Variants in CAPN11 observed in about 807,000 individuals in gnomAD.
CAPN11 encodes calpain-11.
Under a neutral mutation model 105.3 loss-of-function variants are expected in CAPN11, and 108 were observed. That is an observed-to-expected ratio of 1.03 (90% CI 0.88 to 1.20). CAPN11 has a LOEUF of 1.20. CAPN11 is among the 50% of genes most tolerant of loss of function. The pLI, the probability that CAPN11 is intolerant of heterozygous loss-of-function variation, is 0.00. For synonymous variants in CAPN11, 329 were observed against 344.5 expected (o/e 0.96, Z 0.50); for missense variants, 883 against 924.8 (o/e 0.95, Z 0.59).
intron 1 of CAPN11, chr6:44,161,822 G>A (rs765195300): frequency 3.9e-5 from 18 of 456,080 alleles, no homozygotes; most frequent in East Asian, 2.8e-4. Flanking sequence ...CTCAGTCCTC[G>A]GAGCAGCCAG....
chr6:44,169,902 G>T lies in CAPN11; in HGVS notation c.340-4G>T. The stretch of plus-strand genomic sequence containing the variant: ...CCCCTGAAACCTTTATTCCTTCACT[G>T]CAGGATATCATAAACAACCCTCTAT... On this transcript the variant is annotated splice_region_variant and splice_polypyrimidine_tract_variant and intron_variant, in intron 3 of 22. Coordinates refer to ENST00000398776, the MANE Select transcript of CAPN11 (RefSeq NM_007058.4). 1 of 1,608,538 alleles carries T rather than the reference G, an allele frequency of 6.2e-7. No individual in the cohort carries two copies. Among genetic ancestry groups the T allele is most frequent in the Non-Finnish European group, 8.5e-7 (1 of 1,176,470 alleles).
At chr6:44,181,574 CCACACATA>C (rs1773410501) in intron 19 of CAPN11, among the ~76,000 whole-genome samples, 1 of 4,930 alleles carries the variant, frequency 2.0e-4, no homozygotes, top group Non-Finnish European at 4.8e-4. Context: ...CACAACCACA[CCACACATA>C]CACACTCACA....
chr6:44,183,515 A>G (rs1362084188), intron 21 of CAPN11, among the ~76,000 whole-genome samples, 190 bp from the exon 22 acceptor site: 1 of 152,164 alleles, frequency 6.6e-6, no homozygotes, highest in African/African-American at 2.4e-5. Context: ...ATGGAAGGCA[A>G]TCAGAACTGG....
chr6:44,173,176 C>T (rs1474878235), intron 6 of CAPN11, 42 bp from the exon 7 acceptor site: 3 of 1,608,622 alleles, frequency 1.9e-6, no homozygotes, highest in East Asian at 2.2e-5. Context: ...CCTCCCCTCA[C>T]CTCCATCCTA....
chr6:44,181,159 G>A, intron 18 of CAPN11, 93 bp from the exon 19 acceptor site: 1 of 1,271,188 alleles, frequency 7.9e-7, no homozygotes, highest in Non-Finnish European at 1.1e-6. Context: ...CGGAACCCCA[G>A]GGCTTGTGTG....
chr6:44,161,610 G>A (rs1012476797), intron 1 of CAPN11, among the ~76,000 whole-genome samples: 8 of 152,280 alleles, frequency 5.3e-5, no homozygotes, highest in African/African-American at 9.6e-5. Flanking sequence ...ATGCAGCTTC[G>A]AAGCAGGGTT....
At position 44,166,742 on chromosome 6, in the gene CAPN11, C is replaced by A. The variant is rs1312900599; in HGVS notation, c.17-16C>A. 6.5e-7 allele frequency: 1 copy of A among 1,548,084 alleles called. No homozygotes were observed. The highest frequency in any genetic ancestry group is 8.7e-7 in the Non-Finnish European group (1 of 1,143,398). On this transcript the variant is annotated splice_polypyrimidine_tract_variant and intron_variant, in intron 1 of 22. Coordinates refer to ENST00000398776, the MANE Select transcript of CAPN11 (RefSeq NM_007058.4). The stretch of plus-strand genomic sequence containing the variant: ...CCACAGCCTTCCTCCCCTCCTCCCA[C>A]TCTTTCTTATTCTAGGGCCGAGTCT...
chr6:44,183,872 T>C (rs1774183220), intron 22 of CAPN11, 34 bp from the exon 23 acceptor site: 2 of 1,542,914 alleles, frequency 1.3e-6, no homozygotes, highest in Non-Finnish European at 1.8e-6. Context: ...CCCCCGTCTC[T>C]TCCCACCCTG....
At chr6:44,165,091 G>T (rs1458716280) in intron 1 of CAPN11, among the ~76,000 whole-genome samples, 1 of 152,056 alleles carries the variant, frequency 6.6e-6, no homozygotes, top group East Asian at 1.9e-4. Flanking sequence ...GTTTCACCAT[G>T]TTGGCCAGGC....
chr6:44,182,285 C>CCACACACACA (rs70993439), intron 19 of CAPN11, among the ~76,000 whole-genome samples: 2 of 59,428 alleles, frequency 3.4e-5, no homozygotes, highest in East Asian at 7.2e-4. Context: ...CACAACCACA[C>CCACACACACA]CACACACACA....
At chr6:44,181,550 CA>C (rs1773376015) in intron 19 of CAPN11, among the ~76,000 whole-genome samples, 1 of 76,116 alleles carries the variant, frequency 1.3e-5, no homozygotes, top group African/African-American at 4.0e-5. Flanking sequence ...CACACACACA[CA>C]CTCACATACA....
chr6:44,160,946 G>A (rs573040496), intron 1 of CAPN11, among the ~76,000 whole-genome samples: 3 of 152,282 alleles, frequency 2.0e-5, no homozygotes, highest in African/African-American at 7.2e-5. Context: ...TGTACATAAA[G>A]GAAAGACATA....
In CAPN11 at chr6:44,166,960, G is replaced by A. The variant is rs1316541355; in HGVS notation, c.88+131G>A. 15 of 641,646 alleles carry A rather than the reference G, an allele frequency of 2.3e-5. No homozygotes were observed. In the Admixed American group the frequency reaches 3.3e-4, roughly 14 times the overall value. The allele number at this position is 641,646 out of a possible 1,614,324, so 39.7% of individuals were successfully genotyped here. A position where few individuals can be genotyped will look rare whatever the true frequency, so the allele number is the denominator to read the frequency against. On this transcript the variant is annotated intron_variant, in intron 2 of 22. Transcript: ENST00000398776. ...GTGTGGGGAGGGCGGCGGGGGGAGGGGAGGCTACCCTCAGGAAGGGATGTT... is the reference window on the plus strand; with the variant it reads ...GTGTGGGGAGGGCGGCGGGGGGAGGAGAGGCTACCCTCAGGAAGGGATGTT...
At position 44,180,018 on chromosome 6, in the gene CAPN11, TCA is replaced by T; in HGVS notation, c.1496_1497del (p.Ser499Ter). The T allele has an allele frequency of 6.2e-7, 1 of 1,610,580 alleles. No individual in the cohort carries two copies. Among genetic ancestry groups the T allele is most frequent in the Non-Finnish European group, 8.5e-7 (1 of 1,178,450 alleles). On this transcript the variant is annotated frameshift_variant, in exon 14 of 23. Coordinates refer to ENST00000398776, the MANE Select transcript of CAPN11 (RefSeq NM_007058.4). LOFTEE classifies it high-confidence loss of function. ...FFTKYQDHGF[S>X]EIFTNSREVS... is the part of the protein sequence containing the mutation. Reference sequence around the variant, plus strand: ...CACGAAGTATCAGGACCACGGCTTCTCAGAGATCTTCACCAACTCACGGGAGG... The same window carrying T: ...CACGAAGTATCAGGACCACGGCTTCTGAGATCTTCACCAACTCACGGGAGG...
chr6:44,182,965 G>A lies in CAPN11; in HGVS notation c.1963G>A (p.Asp655Asn). Residue 655 changes from aspartate to asparagine, a missense_variant, in exon 20 of 23, where the codon GAC becomes AAC. Physicochemically the swap from Asp to Asn is conservative, Grantham distance 23. Coordinates refer to ENST00000398776, the MANE Select transcript of CAPN11 (RefSeq NM_007058.4). ...WMDIFRECDQ[D>N]HSGTLNSYEM... ...GGACATCTTCAGAGAGTGTGACCAG[G>A]ACCATTCAGGCACCTTGAACTCCTA... 6.2e-7 allele frequency: 1 copy of A among 1,610,694 alleles called. No individual in the cohort carries two copies. Among genetic ancestry groups the A allele is most frequent in the Non-Finnish European group, 8.5e-7 (1 of 1,178,300 alleles).
chr6:44,172,551 G>T, intron 5 of CAPN11, 131 bp downstream of exon 5: 1 of 604,852 alleles, frequency 1.7e-6, no homozygotes, highest in Non-Finnish European at 2.9e-6. Context: ...AATTATCAGA[G>T]AAATATCTGC....
At chr6:44,181,079 G>A (rs1051741489) in intron 18 of CAPN11, 82 bp downstream of exon 18, 87 of 1,328,798 alleles carry the variant, frequency 6.5e-5, no homozygotes, top group Middle Eastern at 1.8e-4. Flanking sequence ...GGCCAGCCAC[G>A]TCCTCCTCCC....
In CAPN11 at chr6:44,184,187, C is replaced by G; in HGVS notation, c.*255C>G. On this transcript the variant is annotated 3_prime_UTR_variant, in exon 23 of 23. Transcript: ENST00000398776. ...TGGCTGGCTTTCCCCCACCATCGCTCTCTCAGAGTATATTTTACTAAAGAG... is the reference window on the plus strand; with the variant it reads ...TGGCTGGCTTTCCCCCACCATCGCTGTCTCAGAGTATATTTTACTAAAGAG... 1.7e-6 allele frequency: 1 copy of G among 573,376 alleles called. No individual in the cohort carries two copies. Among genetic ancestry groups the G allele is most frequent in the Non-Finnish European group, 3.1e-6 (1 of 320,980 alleles). 35.5% of individuals were successfully genotyped at this position (573,376 alleles called of 1,614,324 possible).
chr6:44,167,372 C>T (rs1005177167), intron 2 of CAPN11, among the ~76,000 whole-genome samples: 1 of 151,598 alleles, frequency 6.6e-6, no homozygotes, highest in Non-Finnish European at 1.5e-5. Context: ...GCAGTGGGCA[C>T]CTGTAATCCC....
Sources: gnomAD v4.1 joint callset for allele counts (sites outside exome capture counted in the v4.1 genomes callset) on GRCh38, gnomAD v4.1.1 for gene constraint, MANE v1.5 for transcripts, NCBI Gene and HGNC (gene_info 2026-07-23, HGNC 2026-07-21) for gene names.